The following DCC variants were observed in gnomAD, a reference collection of about 807,000 sequenced individuals.
DCC encodes the protein DCC netrin 1 receptor.
Under a neutral mutation model 172.5 loss-of-function variants are expected in DCC, and 58 were observed. The observed-to-expected ratio is 0.34, with a 90% CI of 0.27 to 0.42. DCC has a LOEUF of 0.42. Ranked by LOEUF, DCC falls within the 10% of genes least tolerant of loss-of-function variation. The pLI, the probability that DCC is intolerant of heterozygous loss-of-function variation, is 1.00. For synonymous variants in DCC, 709 were observed against 644.5 expected (o/e 1.10, Z -1.52); for missense variants, 1,740 against 1,791.0 (o/e 0.97, Z 0.51).
chr18:52,969,584 A>ACTCTCTCTCTCTCTCT (rs56024197), intron 5 of DCC, among the ~76,000 whole-genome samples: 18 of 119,530 alleles, frequency 1.5e-4, no homozygotes, highest in African/African-American at 4.7e-4. Flanking sequence ...CCCGCCCCCC[A>ACTCTCTCTCTCTCTCT]CTCTCTCTCT....
chr18:52,526,986 C>G (rs1408436733), intron 1 of DCC, among the ~76,000 whole-genome samples: 1 of 152,160 alleles, frequency 6.6e-6, no homozygotes, highest in Admixed American at 6.5e-5. Context: ...AGTCACACGC[C>G]AATGCTTTCT....
At chr18:52,728,173 GTCTCTC>G (rs5824956) in intron 1 of DCC, among the ~76,000 whole-genome samples, 1 of 149,044 alleles carries the variant, frequency 6.7e-6, no homozygotes, top group Non-Finnish European at 1.5e-5. Context: ...TGTGGGCCCC[GTCTCTC>G]TCTCTCTCTC....
chr18:53,163,497 TA>T (rs1363300789), intron 8 of DCC, among the ~76,000 whole-genome samples: 2 of 152,234 alleles, frequency 1.3e-5, no homozygotes, highest in African/African-American at 4.8e-5. Flanking sequence ...CTTGACACAA[TA>T]CCTTTCTAAA....
chr18:53,240,033 A>C (rs1568385286), intron 12 of DCC, among the ~76,000 whole-genome samples: 1 of 136,566 alleles, frequency 7.3e-6, no homozygotes, highest in Non-Finnish European at 1.6e-5. Context: ...AGTTAAAAAA[A>C]AAAAAAAAAA....
intron 1 of DCC, among the ~76,000 whole-genome samples, chr18:52,345,227 A>T (rs9958291): frequency 0.31 from 47,770 of 152,110 alleles, 7,594 homozygotes; most frequent in East Asian, 0.44. Context: ...AATGTCACAA[A>T]CCTGCTGAAA....
At position 53,025,570 on chromosome 18, in the gene DCC, A is replaced by T. The variant is rs947985390; in HGVS notation, c.986-37735A>T. ...CAACAGTAGTTTAATGCCAATCCTT[A>T]TTATAGCATCACTATTCCAGAATAA... On this transcript the variant is annotated intron_variant, in intron 5 of 28. Coordinates refer to ENST00000442544, the MANE Select transcript of DCC (RefSeq NM_005215.4). Among the ~76,000 whole-genome samples, 8 of 152,128 alleles carry T rather than the reference A, an allele frequency of 5.3e-5. No individual in the cohort carries two copies. In the East Asian group the frequency reaches 1.5e-3, roughly 29 times the overall value.
chr18:52,481,661 A>T (rs2029966550), intron 1 of DCC, among the ~76,000 whole-genome samples: 1 of 151,972 alleles, frequency 6.6e-6, no homozygotes, highest in African/African-American at 2.4e-5. Flanking sequence ...TCCCTTCCTG[A>T]TATTTTCTAA....
chr18:53,023,401 C>CAAAAAAAAAAAAAAAAAAAAAAAAA (rs869070422), intron 5 of DCC, among the ~76,000 whole-genome samples: 2 of 24,422 alleles, frequency 8.2e-5, no homozygotes, highest in Non-Finnish European at 1.4e-4. Context: ...TAACTCAGAC[C>CAAAAAAAAAAAAAAAAAAAAAAAAA]AAAAAAAAAA....
At chr18:52,564,672 G>T (rs974850049) in intron 1 of DCC, among the ~76,000 whole-genome samples, 1 of 143,516 alleles carries the variant, frequency 7.0e-6, no homozygotes, top group Non-Finnish European at 1.5e-5. Context: ...AATATTGGGG[G>T]GGGGGGTGTT....
At chr18:53,435,021 AG>A (rs1366197069) in intron 21 of DCC, 122 bp from the exon 22 acceptor site, 2 of 783,030 alleles carry the variant, frequency 2.6e-6, no homozygotes, top group African/African-American at 3.4e-5. Context: ...GAGAGTTGTC[AG>A]GCTTTCTTGG....
chr18:53,137,424 C>T (rs919437321), intron 7 of DCC, among the ~76,000 whole-genome samples: 1 of 152,236 alleles, frequency 6.6e-6, no homozygotes, highest in African/African-American at 2.4e-5. Flanking sequence ...CATGTAGCCT[C>T]TCCATAGGAA....
At chr18:53,189,466 A>G (rs931685092) in intron 9 of DCC, among the ~76,000 whole-genome samples, 3 of 151,640 alleles carry the variant, frequency 2.0e-5, no homozygotes, top group Admixed American at 1.3e-4. Context: ...ATAATTGTAT[A>G]TGTACATATA....
intron 1 of DCC, among the ~76,000 whole-genome samples, chr18:52,351,893 G>T (rs1403147882): frequency 2.0e-5 from 3 of 152,044 alleles, no homozygotes; most frequent in African/African-American, 7.2e-5. Flanking sequence ...CCATGTCACC[G>T]GACCTGGAAC....
rs534859732 is a variant in DCC at position 52,368,834 on chromosome 18, G to A, written c.91+27956G>A. On this transcript the variant is annotated intron_variant, in intron 1 of 28. Transcript: ENST00000442544. The stretch of plus-strand genomic sequence containing the variant: ...CAGACATTATACCTTGCAAAATGAA[G>A]ATAAGACTGCTAGTCCTGCTTATGT... Among the ~76,000 whole-genome samples, 3 of 152,294 alleles carry A rather than the reference G, an allele frequency of 2.0e-5. No homozygotes were observed. In the East Asian group the frequency reaches 5.8e-4, roughly 29 times the overall value.
chr18:53,363,117 A>G (rs920043491), intron 15 of DCC, among the ~76,000 whole-genome samples: 2 of 152,164 alleles, frequency 1.3e-5, no homozygotes, highest in African/African-American at 4.8e-5. Context: ...TAGTTAAGTG[A>G]TAGAACCAGG....
intron 8 of DCC, among the ~76,000 whole-genome samples, chr18:53,158,880 C>T (rs1449797623): frequency 6.6e-6 from 1 of 151,186 alleles, no homozygotes; most frequent in Non-Finnish European, 1.5e-5. Flanking sequence ...GTCATCCTAG[C>T]CACTCAGGAG....
intron 1 of DCC, among the ~76,000 whole-genome samples, chr18:52,592,804 T>C (rs2033827266): frequency 1.3e-5 from 2 of 152,144 alleles, no homozygotes; most frequent in South Asian, 2.1e-4. Flanking sequence ...CATCTAATTG[T>C]GCGTGTGTGT....
intron 1 of DCC, among the ~76,000 whole-genome samples, chr18:52,625,585 C>T (rs1200834998): frequency 6.6e-6 from 1 of 152,140 alleles, no homozygotes; most frequent in Non-Finnish European, 1.5e-5. Context: ...CATTAACATG[C>T]TTTGGTGTTG....
At chr18:53,328,564 T>C (rs972100035) in intron 14 of DCC, among the ~76,000 whole-genome samples, 1 of 152,140 alleles carries the variant, frequency 6.6e-6, no homozygotes, top group African/African-American at 2.4e-5. Context: ...AGACAGAATC[T>C]GGCTCTGTCA....
Sources: allele counts gnomAD v4.1 joint callset (sites outside exome capture counted in the v4.1 genomes callset), GRCh38; gene constraint gnomAD v4.1.1; transcripts MANE v1.5; gene names NCBI Gene and HGNC (gene_info 2026-07-23, HGNC 2026-07-21).